Variants in PCDH11X observed in about 807,000 individuals in gnomAD.
PCDH11X encodes protocadherin 11 X-linked.
PCDH11X carries 18 observed loss-of-function variants against 53.3 expected under a neutral mutation model. That is an observed-to-expected ratio of 0.34 (90% CI 0.23 to 0.50). The LOEUF (loss-of-function observed/expected upper bound fraction) is 0.50. PCDH11X is among the 20% of genes least tolerant of loss of function. The probability of loss-of-function intolerance (pLI) is 0.98; values close to 1 mark genes in which losing one functional copy is unlikely to be tolerated. For synonymous variants in PCDH11X, 279 were observed against 393.3 expected (o/e 0.71, Z 3.44); for missense variants, 570 against 1,032.4 (o/e 0.55, Z 6.14).
chrX:92,582,436 C>T (rs1923830911), intron 10 of PCDH11X, among the ~76,000 whole-genome samples: 1 of 110,304 alleles, frequency 9.1e-6, no homozygotes, highest in South Asian at 3.9e-4. Context: ...CAAGCCTTGG[C>T]AGCTTCCACG....
chrX:91,848,204 G>GT (rs71233611), intron 5 of PCDH11X, among the ~76,000 whole-genome samples: 19,979 of 100,551 alleles, frequency 0.2, 1,806 homozygotes, highest in East Asian at 0.3. Context: ...TTTTTTTTTT[G>GT]TTTTTTTTTT....
chrX:92,168,932 A>G (rs2065778317), intron 6 of PCDH11X, among the ~76,000 whole-genome samples: 1 of 111,984 alleles, frequency 8.9e-6, no homozygotes, highest in Non-Finnish European at 1.9e-5. Context: ...ATGTTTGTTA[A>G]TAGCACCTTC....
chrX:92,293,104 C>T (rs2068524961), intron 8 of PCDH11X, among the ~76,000 whole-genome samples: 1 of 106,286 alleles, frequency 9.4e-6, no homozygotes, highest in Non-Finnish European at 1.9e-5. Flanking sequence ...ATGTCTTCTA[C>T]AGAAAATAAA....
At chrX:91,839,125 T>C (rs1937410718) in intron 5 of PCDH11X, among the ~76,000 whole-genome samples, 1 of 110,969 alleles carries the variant, frequency 9.0e-6, no homozygotes, top group Non-Finnish European at 1.9e-5. Flanking sequence ...AAAGTATTAT[T>C]TCACATTTTA....
chrX:92,402,668 T>C (rs1397670363), intron 9 of PCDH11X, among the ~76,000 whole-genome samples: 1 of 111,141 alleles, frequency 9.0e-6, no homozygotes. Flanking sequence ...AACCCCAAAC[T>C]ATAAAACCCT....
At chrX:91,942,760 G>T (rs1270820382) in intron 6 of PCDH11X, among the ~76,000 whole-genome samples, 1 of 109,908 alleles carries the variant, frequency 9.1e-6, no homozygotes, top group Admixed American at 9.7e-5. Context: ...AAATCCAAAA[G>T]AAAAAAAGAA....
chrX:92,562,746 G>T (rs925338603), intron 10 of PCDH11X, among the ~76,000 whole-genome samples: 4 of 110,215 alleles, frequency 3.6e-5, no homozygotes, highest in African/African-American at 1.3e-4. Flanking sequence ...AGATCTCCAA[G>T]CCAGGGGCAC....
intron 6 of PCDH11X, among the ~76,000 whole-genome samples, chrX:92,046,991 G>C (rs1377302231): frequency 3.3e-5 from 3 of 92,198 alleles, no homozygotes; most frequent in Non-Finnish European, 6.0e-5. Flanking sequence ...TTAACAAAGG[G>C]GAAACCAAAT....
At chrX:92,407,064 T>G (rs2148596279) in intron 9 of PCDH11X, among the ~76,000 whole-genome samples, 1 of 103,146 alleles carries the variant, frequency 9.7e-6, no homozygotes, top group Non-Finnish European at 2.0e-5. Flanking sequence ...ATTATTATTT[T>G]TTGTATTTTT....
chrX:91,835,468 C>T lies in PCDH11X; in HGVS notation c.-37C>T, dbSNP rs1490610042. The T allele has an allele frequency of 3.3e-6, 4 of 1,208,042 alleles. No individual in the cohort carries two copies. Among genetic ancestry groups the T allele is most frequent in the South Asian group, 3.5e-5 (2 of 56,630 alleles). On this transcript the variant is annotated 5_prime_UTR_variant, in exon 5 of 11. Coordinates refer to ENST00000682573, the MANE Select transcript of PCDH11X (RefSeq NM_032968.5). ...TCCTCTTCTTTTGGTCAGTGTTGTG[C>T]GGGTTAATACAACAAACTGTAACAA...
At chrX:92,444,398 T>C (rs1391127873) in intron 9 of PCDH11X, among the ~76,000 whole-genome samples, 9 of 101,229 alleles carry the variant, frequency 8.9e-5, no homozygotes, top group Non-Finnish European at 1.2e-4. Flanking sequence ...CCTGAAACTT[T>C]ACCATAGTTC....
intron 10 of PCDH11X, among the ~76,000 whole-genome samples, chrX:92,592,327 A>G (rs1320750668): frequency 9.7e-6 from 1 of 102,782 alleles, no homozygotes; most frequent in Admixed American, 1.1e-4. Flanking sequence ...GGGAGATTCT[A>G]GATCTTGTAA....
At position 91,951,163 on chromosome X, in the gene PCDH11X, A is replaced by C. The variant is rs750605871; in HGVS notation, c.3033+71890A>C. On this transcript the variant is annotated intron_variant, in intron 6 of 10. Transcript: ENST00000682573. Reference sequence around the variant, plus strand: ...CGCTGTGTTAAATATGAGTGTACTTATATTGTAAAACAACCTCTACCACTA... The same window carrying C: ...CGCTGTGTTAAATATGAGTGTACTTCTATTGTAAAACAACCTCTACCACTA... Among the ~76,000 whole-genome samples the C allele has an allele frequency of 2.6e-4, 29 of 111,392 alleles. 1 individual carries two copies. In the South Asian group the frequency reaches 4.8e-3, roughly 18 times the overall value.
At chrX:92,184,473 A>G (rs2066055355) in intron 6 of PCDH11X, among the ~76,000 whole-genome samples, 1 of 112,236 alleles carries the variant, frequency 8.9e-6, no homozygotes, top group Non-Finnish European at 1.9e-5. Flanking sequence ...CAGAAATAGA[A>G]AAAAGCAATC....
chrX:92,222,127 C>T (rs1431446937), intron 7 of PCDH11X, among the ~76,000 whole-genome samples: 1 of 91,988 alleles, frequency 1.1e-5, no homozygotes, highest in African/African-American at 3.6e-5. Context: ...AGCCACCATG[C>T]CCAGCCTCTT....
chrX:92,607,090 C>A (rs1926905793), intron 10 of PCDH11X, among the ~76,000 whole-genome samples: 1 of 110,557 alleles, frequency 9.0e-6, no homozygotes, highest in African/African-American at 3.3e-5. Context: ...AAATAGTGCA[C>A]CCAATTTGGA....
intron 6 of PCDH11X, among the ~76,000 whole-genome samples, chrX:92,174,374 C>T (rs185046876): frequency 1.2e-4 from 13 of 111,403 alleles, no homozygotes; most frequent in Admixed American, 7.6e-4. Context: ...ACTCTTGGAA[C>T]GGAGGCTACC....
chrX:92,011,999 G>T (rs1247674420), intron 6 of PCDH11X, among the ~76,000 whole-genome samples: 2 of 111,002 alleles, frequency 1.8e-5, no homozygotes, highest in Non-Finnish European at 1.9e-5. Context: ...ATATCTAAGA[G>T]GCAATTCTTG....
At chrX:92,599,882 C>T (rs1362115295) in intron 10 of PCDH11X, among the ~76,000 whole-genome samples, 2 of 111,175 alleles carry the variant, frequency 1.8e-5, no homozygotes, top group East Asian at 5.7e-4. Flanking sequence ...TTATTGAGAA[C>T]TGGAGCAAAG....
Sources: gnomAD v4.1 joint callset for allele counts (sites outside exome capture counted in the v4.1 genomes callset) on GRCh38, gnomAD v4.1.1 for gene constraint, MANE v1.5 for transcripts, NCBI Gene and HGNC (gene_info 2026-07-23, HGNC 2026-07-21) for gene names.